The following EVC2 variants were observed in gnomAD, a reference collection of about 807,000 sequenced individuals.
The protein encoded by EVC2 is limbin.
In EVC2, 148 loss-of-function variants were observed where a neutral mutation model predicts 149.3. The observed-to-expected ratio is 0.99, with a 90% CI of 0.87 to 1.14. EVC2 has a LOEUF of 1.14. Ranked by LOEUF, EVC2 falls within the 50% of genes most tolerant of loss-of-function variation. The pLI, the probability that EVC2 is intolerant of heterozygous loss-of-function variation, is 0.00. For missense variants in EVC2, 1,854 were observed against 1,627.3 expected (o/e 1.14, Z -2.40); for synonymous variants, 776 against 649.9 (o/e 1.19, Z -2.95).
chr4:5,635,822 C>G (rs538532185), intron 10 of EVC2, among the ~76,000 whole-genome samples: 1 of 152,138 alleles, frequency 6.6e-6, no homozygotes, highest in Non-Finnish European at 1.5e-5. Flanking sequence ...AGAAAAGCAG[C>G]GGGGAGAGCC....
chr4:5,652,658 G>A (rs2108881648), intron 9 of EVC2, among the ~76,000 whole-genome samples: 1 of 152,258 alleles, frequency 6.6e-6, no homozygotes, highest in East Asian at 1.9e-4. Context: ...GGAGATGGCA[G>A]GGAGGGTCTG....
At position 5,622,646 on chromosome 4, in the gene EVC2, T is replaced by A. The variant is rs148607525; in HGVS notation, c.2392A>T (p.Arg798Trp). 8 of 1,614,084 alleles carry A rather than the reference T, an allele frequency of 5.0e-6. No individual in the cohort carries two copies. In the African/African-American group the frequency reaches 1.1e-4, roughly 22 times the overall value. ...AEQLEGEERD[R>W]DQEGVQSVRQ... ...ACGCTCTGGACACCCTCCTGGTCCCTGTCCCTCTCCTCCCCCTCCAGCTGC... is the reference window on the plus strand; with the variant it reads ...ACGCTCTGGACACCCTCCTGGTCCCAGTCCCTCTCCTCCCCCTCCAGCTGC... The change falls in exon 14 of 22, where the codon AGG (arginine) becomes TGG (tryptophan). Residue 798 changes from arginine to tryptophan, a missense_variant. Arg to Trp is a moderately radical substitution (Grantham distance 101). Coordinates refer to ENST00000344408, the MANE Select transcript of EVC2 (RefSeq NM_147127.5). This position sits in a 1 kb window ranked among gnomAD's most constrained non-coding sequence, Gnocchi z 5.8.
rs535475792 is a variant in EVC2 at position 5,639,647 on chromosome 4, G to T, written c.1470+867C>A. On this transcript the variant is annotated intron_variant, in intron 10 of 21. Coordinates refer to ENST00000344408, the MANE Select transcript of EVC2 (RefSeq NM_147127.5). ...GGAATGTACTAGACTGTGAGTTCAG[G>T]TTTTTCTGACTCTAGAGCCTGTGCT... Among the ~76,000 whole-genome samples, 3 of 152,304 alleles carry T rather than the reference G, an allele frequency of 2.0e-5. No homozygotes were observed. In the South Asian group the frequency reaches 6.2e-4, roughly 32 times the overall value.
At chr4:5,671,895 G>A (rs1273639077) in intron 7 of EVC2, among the ~76,000 whole-genome samples, 2 of 152,184 alleles carry the variant, frequency 1.3e-5, no homozygotes, top group Non-Finnish European at 2.9e-5. Context: ...TGCCTGAAAC[G>A]CTCTATTTAA....
At chr4:5,552,349 G>A (rs113275155) in intron 21 of EVC2, among the ~76,000 whole-genome samples, 6 of 152,292 alleles carry the variant, frequency 3.9e-5, no homozygotes, top group East Asian at 1.9e-4. Context: ...TTAAAGCTGA[G>A]CCATATAGTG....
intron 9 of EVC2, among the ~76,000 whole-genome samples, chr4:5,661,686 T>A (rs919461575): frequency 1.3e-5 from 2 of 152,280 alleles, no homozygotes; most frequent in African/African-American, 4.8e-5. Flanking sequence ...AAGGCCATGC[T>A]GATGAACCTC....
intron 16 of EVC2, among the ~76,000 whole-genome samples, chr4:5,598,801 A>C (rs916208273): frequency 2.6e-5 from 4 of 152,230 alleles, no homozygotes; most frequent in African/African-American, 9.6e-5. Flanking sequence ...AATGGGAGAA[A>C]ATTTTTGCAA....
At chr4:5,653,916 C>T (rs957370277) in intron 9 of EVC2, among the ~76,000 whole-genome samples, 3 of 152,144 alleles carry the variant, frequency 2.0e-5, no homozygotes, top group Non-Finnish European at 2.9e-5. Flanking sequence ...GAACTTGAAA[C>T]GAGAGGCTGA....
At chr4:5,583,137 A>G (rs1177914759) in intron 17 of EVC2, among the ~76,000 whole-genome samples, 1 of 152,178 alleles carries the variant, frequency 6.6e-6, no homozygotes, top group Non-Finnish European at 1.5e-5. Flanking sequence ...CTCCCCTTTA[A>G]TTTGTTAATC....
At chr4:5,565,439 G>A in intron 20 of EVC2, 80 bp from the exon 21 acceptor site, 4 of 1,343,006 alleles carry the variant, frequency 3.0e-6, no homozygotes, top group Non-Finnish European at 4.2e-6. Context: ...GGAAGGCAGA[G>A]GCGGGCAGAT....
chr4:5,551,734 C>A lies in EVC2; in HGVS notation c.3420-8522G>T, dbSNP rs543157399. Reference sequence around the variant, plus strand: ...CACTATGTCCCCACCCAAATTTTATCTTGAATTCCCACGTGTTGTGGGAGG... The same window carrying A: ...CACTATGTCCCCACCCAAATTTTATATTGAATTCCCACGTGTTGTGGGAGG... On this transcript the variant is annotated intron_variant and NMD_transcript_variant, in intron 21 of 22. Transcript: ENST00000475313. Among the ~76,000 whole-genome samples, 216 of 152,276 alleles carry A rather than the reference C, an allele frequency of 1.4e-3. 1 individual carries two copies. The highest frequency in any genetic ancestry group is 2.6e-3 in the Non-Finnish European group (180 of 68,018).
At chr4:5,553,943 A>T (rs1189803414) in intron 21 of EVC2, among the ~76,000 whole-genome samples, 1 of 152,234 alleles carries the variant, frequency 6.6e-6, no homozygotes, top group African/African-American at 2.4e-5. Flanking sequence ...CATCAACAGT[A>T]ACTGACCCGG....
chr4:5,579,349 G>C (rs1044430997), intron 17 of EVC2, among the ~76,000 whole-genome samples: 2 of 152,156 alleles, frequency 1.3e-5, no homozygotes, highest in Non-Finnish European at 2.9e-5. Context: ...ATGGACATGA[G>C]GTTTAAACAC....
chr4:5,543,787 C>A (rs1293447812), intron 21 of EVC2, among the ~76,000 whole-genome samples: 1 of 152,158 alleles, frequency 6.6e-6, no homozygotes, highest in Non-Finnish European at 1.5e-5. Flanking sequence ...GTTCCAGCCC[C>A]TGTGGGGTTG....
At chr4:5,595,875 G>T (rs13120659) in intron 16 of EVC2, among the ~76,000 whole-genome samples, 103,603 of 151,920 alleles carry the variant, frequency 0.68, 35,902 homozygotes, top group East Asian at 0.86. Flanking sequence ...TGGAGAAAGA[G>T]CTACCAAGCA....
chr4:5,673,186 G>A (rs1719765065), intron 7 of EVC2, among the ~76,000 whole-genome samples: 1 of 152,248 alleles, frequency 6.6e-6, no homozygotes, highest in African/African-American at 2.4e-5. Flanking sequence ...ATGGTACACA[G>A]AAGTCAGAAA....
At chr4:5,632,352 CA>C (rs1231136975) in intron 10 of EVC2, among the ~76,000 whole-genome samples, 2 of 152,148 alleles carry the variant, frequency 1.3e-5, no homozygotes, top group African/African-American at 4.8e-5. Flanking sequence ...ACAGCAAAAA[CA>C]AGGCACACAC....
intron 21 of EVC2, 89 bp from the exon 22 acceptor site, chr4:5,563,204 G>A: frequency 3.1e-6 from 4 of 1,311,440 alleles, no homozygotes; most frequent in Non-Finnish European, 4.3e-6. Flanking sequence ...CCCTCCTTGG[G>A]TCCTGAATTC....
At position 5,631,799 on chromosome 4, in the gene EVC2, T is replaced by C; in HGVS notation, c.1704A>G (p.Lys568=). The C allele has an allele frequency of 5.0e-6, 8 of 1,613,978 alleles. No individual in the cohort carries two copies. The highest frequency in any genetic ancestry group is 6.8e-6 in the Non-Finnish European group (8 of 1,179,842). Residue 568 remains lysine, a synonymous_variant, in exon 11 of 22, where the codon AAA becomes AAG. Coordinates refer to ENST00000344408, the MANE Select transcript of EVC2 (RefSeq NM_147127.5). Reference sequence around the variant, plus strand: ...AGCGAGGCTGATGTATTACCTGTATTTTAGAATAATTTTGCAGCAGCATTT... The same window carrying C: ...AGCGAGGCTGATGTATTACCTGTATCTTAGAATAATTTTGCAGCAGCATTT... ...AAKMLLQNYS[K]IQENVEELMD... is the part of the protein sequence containing the mutation.
Sources: allele counts gnomAD v4.1 joint callset (sites outside exome capture counted in the v4.1 genomes callset), GRCh38; gene constraint gnomAD v4.1.1; non-coding constraint Gnocchi (gnomAD v3.1); transcripts MANE v1.5; gene names NCBI Gene and HGNC (gene_info 2026-07-23, HGNC 2026-07-21).